SMARCA4: variants seen among roughly 807,000 people sequenced by gnomAD.
SMARCA4 encodes SWI/SNF related BAF chromatin remodeling complex subunit ATPase 4, also known as SWI/SNF-related matrix-associated actin-dependent regulator of chromatin subfamily A member 4.
SMARCA4 carries 31 observed loss-of-function variants against 193.9 expected under a neutral mutation model. The observed-to-expected ratio is 0.16, with a 90% CI of 0.12 to 0.22. The LOEUF is 0.22. Ranked by LOEUF, SMARCA4 falls within the 10% of genes least tolerant of loss-of-function variation. SMARCA4 has a pLI of 1.00. For missense variants in SMARCA4, 1,148 were observed against 2,296.0 expected (o/e 0.50, Z 10.22); for synonymous variants, 942 against 933.1 (o/e 1.01, Z -0.17).
chr19:11,037,301 C>T (rs955683499), intron 29 of SMARCA4, among the ~76,000 whole-genome samples: 1 of 152,226 alleles, frequency 6.6e-6, no homozygotes, highest in Non-Finnish European at 1.5e-5. Context: ...TCCTCTTTCT[C>T]TACATCCTCA....
intron 1 of SMARCA4, among the ~76,000 whole-genome samples, chr19:10,978,967 G>A (rs190872037): frequency 1.3e-5 from 2 of 151,982 alleles, no homozygotes; most frequent in South Asian, 2.1e-4. Flanking sequence ...TAAATAAATA[G>A]ATAGATAGAT....
chr19:11,056,931 C>T (rs961005828), intron 30 of SMARCA4, among the ~76,000 whole-genome samples: 4 of 152,230 alleles, frequency 2.6e-5, no homozygotes, highest in African/African-American at 9.6e-5. Context: ...AGACAAGGCG[C>T]ACTCAGGACA....
chr19:11,047,978 C>T (rs750139886), intron 30 of SMARCA4, among the ~76,000 whole-genome samples: 5 of 152,102 alleles, frequency 3.3e-5, no homozygotes, highest in Non-Finnish European at 7.4e-5. Context: ...TTATTATTTG[C>T]CCATCATTGT....
At chr19:10,989,010 C>A (rs966906174) in intron 6 of SMARCA4, among the ~76,000 whole-genome samples, 7 of 152,240 alleles carry the variant, frequency 4.6e-5, no homozygotes, top group African/African-American at 1.4e-4. Flanking sequence ...TGCGCCTCAT[C>A]CATGCCAGAG....
At position 11,023,639 on chromosome 19, in the gene SMARCA4, A is replaced by G. The variant is rs1310109283; in HGVS notation, c.2973+8A>G. 1 of 1,569,126 alleles carries G rather than the reference A, an allele frequency of 6.4e-7. No homozygotes were observed. Among genetic ancestry groups the G allele is most frequent in the African/African-American group, 1.3e-5 (1 of 74,212 alleles). On this transcript the variant is annotated splice_region_variant and intron_variant, in intron 20 of 34. Transcript: ENST00000344626. ...GCCCAGTTGCCCGAAAAGGTGATGG[A>G]GTTTTGAGGGGAGCCACCAGTGAAG... is the stretch of plus-strand genomic sequence containing the variant.
Position 11,061,836 on chromosome 19 carries a change from G to C in SMARCA4, c.*20G>C, listed in dbSNP as rs761943017. On this transcript the variant is annotated 3_prime_UTR_variant, in exon 35 of 35. Coordinates refer to ENST00000344626, the MANE Select transcript of SMARCA4 (RefSeq NM_003072.5). ...GACTGAGCCCCGACATTCCAGTCTC[G>C]ACCCCGAGCCCCTCGTTCCAGAGCT... The C allele has an allele frequency of 6.2e-7, 1 of 1,613,270 alleles. No individual in the cohort carries two copies. Among genetic ancestry groups the C allele is most frequent in the Non-Finnish European group, 8.5e-7 (1 of 1,179,306 alleles).
intron 1 of SMARCA4, among the ~76,000 whole-genome samples, chr19:10,979,669 A>G (rs901494879): frequency 8.0e-5 from 12 of 150,424 alleles, no homozygotes; most frequent in African/African-American, 2.7e-4. Flanking sequence ...CCCCAACATT[A>G]TATTATTTAT....
chr19:11,061,583 A>G (rs1395531644), intron 34 of SMARCA4, among the ~76,000 whole-genome samples: 2 of 152,148 alleles, frequency 1.3e-5, no homozygotes, highest in Non-Finnish European at 2.9e-5. Flanking sequence ...TCACCGTGTT[A>G]GCCAGGATGG....
intron 11 of SMARCA4, among the ~76,000 whole-genome samples, chr19:11,000,263 G>C (rs570086002): frequency 9.9e-5 from 15 of 151,944 alleles, no homozygotes; most frequent in African/African-American, 3.4e-4. Flanking sequence ...TGGACCAGGT[G>C]TGGTGGCTCA....
chr19:10,994,654 T>C (rs1811848176), intron 8 of SMARCA4, among the ~76,000 whole-genome samples, 174 bp from the exon 9 acceptor site: 1 of 151,644 alleles, frequency 6.6e-6, no homozygotes, highest in Non-Finnish European at 1.5e-5. Flanking sequence ...AGAGACGGGG[T>C]TTCACCGTGT....
At chr19:11,049,008 G>A (rs2076105796) in intron 30 of SMARCA4, among the ~76,000 whole-genome samples, 1 of 152,140 alleles carries the variant, frequency 6.6e-6, no homozygotes, top group Non-Finnish European at 1.5e-5. Flanking sequence ...CCTGCTCAGG[G>A]GCCACAGTAG....
In SMARCA4 at chr19:11,033,166, C is replaced by T; in HGVS notation, c.3547-124C>T. 1.3e-6 allele frequency: 1 copy of T among 772,766 alleles called. No homozygotes were observed. Among genetic ancestry groups the T allele is most frequent in the Non-Finnish European group, 2.3e-6 (1 of 440,640 alleles). 47.9% of individuals were successfully genotyped at this position (772,766 alleles called of 1,614,324 possible). The stretch of plus-strand genomic sequence containing the variant: ...TGTTTTCATGCGGCGGCAGGTCAGG[C>T]TGGGCAGAATTGTCAGGCCGAGGGT... On this transcript the variant is annotated intron_variant, in intron 25 of 34. Transcript: ENST00000344626. The surrounding 1 kb of genome is among the most constrained non-coding windows in gnomAD (Gnocchi z 9.8).
Position 11,039,473 on chromosome 19 carries a change from GAT to G in SMARCA4, c.4171-1831_4171-1830del. 6.3e-7 allele frequency: 1 copy of G among 1,597,938 alleles called. No homozygotes were observed. Among genetic ancestry groups the G allele is most frequent in the Non-Finnish European group, 8.5e-7 (1 of 1,173,244 alleles). On this transcript the variant is annotated intron_variant, in intron 29 of 34. Transcript: ENST00000344626. The stretch of plus-strand genomic sequence containing the variant: ...TTTGTTGTAGAAAATTACAGGAAAA[GAT>G]ATCCATGACACAGCCAGCAGTGTGG...
chr19:10,963,776 T>TTA (rs889621764), intron 1 of SMARCA4, among the ~76,000 whole-genome samples: 11 of 151,604 alleles, frequency 7.3e-5, no homozygotes, highest in Admixed American at 6.6e-4. Context: ...GATTTTTTTT[T>TTA]TTTTTTTGAG....
rs1361190897 is a variant in SMARCA4 at position 10,996,182 on chromosome 19, CCACATTG to C, written c.1594-28_1594-22del. ...GCTCACAGACATGCACATTGTGCCA[CCACATTG>C]CAGTAACCCCCATGCTTTTGTAGGC... On this transcript the variant is annotated intron_variant, in intron 9 of 34. Coordinates refer to ENST00000344626, the MANE Select transcript of SMARCA4 (RefSeq NM_003072.5). The C allele has an allele frequency of 4.3e-6, 7 of 1,612,808 alleles. No homozygotes were observed. The South Asian group carries it at 6.6e-5, about 15-fold the overall frequency.
At chr19:10,973,759 C>T (rs370050473) in intron 1 of SMARCA4, among the ~76,000 whole-genome samples, 141 of 152,060 alleles carry the variant, frequency 9.3e-4, no homozygotes, top group African/African-American at 3.2e-3. Context: ...TTAGTAGAGA[C>T]GGGGTTTCAC....
At chr19:11,051,519 T>C (rs1600563079) in intron 30 of SMARCA4, among the ~76,000 whole-genome samples, 1 of 141,374 alleles carries the variant, frequency 7.1e-6, no homozygotes, top group South Asian at 2.2e-4. Flanking sequence ...TGAGACAGAG[T>C]CTCACTCTGT....
At chr19:11,003,510 C>T (rs2146113354) in intron 13 of SMARCA4, 113 bp downstream of exon 13, 5 of 998,054 alleles carry the variant, frequency 5.0e-6, no homozygotes, top group South Asian at 2.6e-5. Flanking sequence ...GGGCAGGGAA[C>T]AGCAGGGCCC....
At chr19:10,974,113 G>A (rs1194746547) in intron 1 of SMARCA4, among the ~76,000 whole-genome samples, 3 of 152,144 alleles carry the variant, frequency 2.0e-5, no homozygotes, top group Admixed American at 6.6e-5. Flanking sequence ...AGTTTCTCAT[G>A]CAAGGTGAAA....
Sources: allele counts gnomAD v4.1 joint callset (sites outside exome capture counted in the v4.1 genomes callset), GRCh38; gene constraint gnomAD v4.1.1; non-coding constraint Gnocchi (gnomAD v3.1); transcripts MANE v1.5; gene names NCBI Gene and HGNC (gene_info 2026-07-23, HGNC 2026-07-21).